PIBF1: variants seen among roughly 807,000 people sequenced by gnomAD.
The protein encoded by PIBF1 is progesterone immunomodulatory binding factor 1, also known as progesterone-induced-blocking factor 1.
A neutral mutation model predicts 112.5 loss-of-function variants in PIBF1; 90 were observed. The ratio of observed to expected loss-of-function variants is 0.80; its 90% confidence interval spans 0.67 to 0.95. The LOEUF (loss-of-function observed/expected upper bound fraction) is 0.95. Ranked by LOEUF, PIBF1 falls within the 40% of genes least tolerant of loss-of-function variation. PIBF1 has a pLI of 0.00. For synonymous variants in PIBF1, 301 were observed against 288.6 expected (o/e 1.04, Z -0.44); for missense variants, 915 against 852.3 (o/e 1.07, Z -0.92).
chr13:72,845,151 C>T (rs2037812364), intron 9 of PIBF1, among the ~76,000 whole-genome samples: 1 of 151,856 alleles, frequency 6.6e-6, no homozygotes, highest in Admixed American at 6.6e-5. Context: ...CCCCCCACCC[C>T]CAAGTTGGCT....
intron 14 of PIBF1, among the ~76,000 whole-genome samples, chr13:72,942,219 C>G (rs182017439): frequency 1.5e-4 from 21 of 143,592 alleles, no homozygotes; most frequent in African/African-American, 4.4e-4. Flanking sequence ...CAATCTAGAT[C>G]TGATTAAATT....
chr13:72,844,028 A>C (rs1033537594), intron 9 of PIBF1, among the ~76,000 whole-genome samples: 14 of 152,360 alleles, frequency 9.2e-5, no homozygotes, highest in African/African-American at 3.4e-4. Flanking sequence ...TAGCATAGTA[A>C]GCATAGTTAC....
intron 16 of PIBF1, among the ~76,000 whole-genome samples, chr13:72,996,291 A>G (rs114408200): frequency 5.8e-4 from 88 of 151,824 alleles, no homozygotes; most frequent in African/African-American, 2.1e-3. Flanking sequence ...AAACTGCTCA[A>G]CTTCACTGTA....
chr13:72,857,523 A>G (rs964848541), intron 10 of PIBF1, among the ~76,000 whole-genome samples: 6 of 152,238 alleles, frequency 3.9e-5, no homozygotes, highest in Non-Finnish European at 5.9e-5. Flanking sequence ...CAATAAGTCA[A>G]CATTAAATTC....
chr13:72,783,819 A>G (rs2034440750), intron 2 of PIBF1, 98 bp downstream of exon 2: 7 of 1,095,284 alleles, frequency 6.4e-6, no homozygotes, highest in Non-Finnish European at 9.3e-6. Context: ...ACTTGAAATG[A>G]TACATTTATA....
chr13:72,788,933 T>A (rs553214973), intron 2 of PIBF1, among the ~76,000 whole-genome samples: 1 of 152,208 alleles, frequency 6.6e-6, no homozygotes, highest in African/African-American at 2.4e-5. Context: ...TTACTAGGAA[T>A]AGTCTTGGCC....
intron 13 of PIBF1, among the ~76,000 whole-genome samples, chr13:72,928,028 T>TATATATATATATAC (rs2041579353): frequency 5.1e-5 from 3 of 58,870 alleles, no homozygotes; most frequent in East Asian, 4.2e-4. Context: ...TATATATACA[T>TATATATATATATAC]ATATATATAT....
intron 16 of PIBF1, among the ~76,000 whole-genome samples, chr13:72,990,842 C>T (rs1594329545): frequency 6.6e-6 from 1 of 152,120 alleles, no homozygotes; most frequent in Non-Finnish European, 1.5e-5. Flanking sequence ...AGCGAGACTC[C>T]ATCTCAAATA....
chr13:72,909,234 C>A (rs1303607730), intron 12 of PIBF1, among the ~76,000 whole-genome samples: 7 of 152,096 alleles, frequency 4.6e-5, no homozygotes, highest in Non-Finnish European at 1.0e-4. Flanking sequence ...AATTCACTTA[C>A]TCCAGAATTG....
chr13:72,921,000 T>C (rs1279709862), intron 13 of PIBF1, among the ~76,000 whole-genome samples: 1 of 152,216 alleles, frequency 6.6e-6, no homozygotes, highest in East Asian at 1.9e-4. Context: ...TGATTTAAAA[T>C]CTTATATGTT....
intron 15 of PIBF1, among the ~76,000 whole-genome samples, chr13:72,965,729 A>G (rs2138914272): frequency 6.6e-6 from 1 of 151,038 alleles, no homozygotes; most frequent in African/African-American, 2.4e-5. Flanking sequence ...CCAGAGGGAG[A>G]GGAGGAATAA....
intron 10 of PIBF1, among the ~76,000 whole-genome samples, chr13:72,860,309 GTGTGTGTGTGT>G (rs2038634632): frequency 1.1e-4 from 2 of 18,886 alleles, no homozygotes; most frequent in Admixed American, 4.0e-4. Context: ...TTTTTTAGGG[GTGTGTGTGTGT>G]GTGTGTGTGT....
At chr13:72,848,576 T>C (rs1223177761) in intron 9 of PIBF1, among the ~76,000 whole-genome samples, 4 of 152,218 alleles carry the variant, frequency 2.6e-5, no homozygotes, top group Admixed American at 1.3e-4. Flanking sequence ...CCGGGCGCGG[T>C]GGCTCACGCC....
At chr13:72,952,682 T>C (rs1181729367) in intron 14 of PIBF1, among the ~76,000 whole-genome samples, 3 of 149,560 alleles carry the variant, frequency 2.0e-5, no homozygotes, top group African/African-American at 7.4e-5. Context: ...TGTGACTTTA[T>C]GGTTTCTTAG....
chr13:73,000,564 G>A (rs990596999), intron 17 of PIBF1, among the ~76,000 whole-genome samples: 2 of 152,156 alleles, frequency 1.3e-5, no homozygotes, highest in African/African-American at 4.8e-5. Context: ...ACACTATGCT[G>A]TGTCTATTAT....
chr13:72,866,564 C>T (rs2038935915), intron 10 of PIBF1, among the ~76,000 whole-genome samples: 1 of 152,094 alleles, frequency 6.6e-6, no homozygotes, highest in South Asian at 2.1e-4. Flanking sequence ...TTTATTATGA[C>T]TTAAAAGTCT....
intron 14 of PIBF1, among the ~76,000 whole-genome samples, chr13:72,945,812 A>C (rs1367251456): frequency 1.3e-5 from 2 of 152,236 alleles, no homozygotes; most frequent in Non-Finnish European, 2.9e-5. Flanking sequence ...TAATGATATC[A>C]TAGTCTATTA....
intron 11 of PIBF1, among the ~76,000 whole-genome samples, chr13:72,906,134 A>G (rs184830219): frequency 5.9e-5 from 9 of 152,252 alleles, no homozygotes; most frequent in African/African-American, 9.6e-5. Flanking sequence ...TAATTTATAG[A>G]GAAATAATTT....
At chr13:72,845,333 C>T (rs2037821180) in intron 9 of PIBF1, among the ~76,000 whole-genome samples, 1 of 152,186 alleles carries the variant, frequency 6.6e-6, no homozygotes, top group African/African-American at 2.4e-5. Flanking sequence ...CTTTTTATGG[C>T]TGTGTAGTAT....
Sources: allele counts gnomAD v4.1 joint callset (sites outside exome capture counted in the v4.1 genomes callset), GRCh38; gene constraint gnomAD v4.1.1; transcripts MANE v1.5; gene names NCBI Gene and HGNC (gene_info 2026-07-23, HGNC 2026-07-21).